The following MYRIP variants were observed in gnomAD, a reference collection of about 807,000 sequenced individuals.
MYRIP encodes the protein myosin VIIA and Rab interacting protein.
Under a neutral mutation model 98.0 loss-of-function variants are expected in MYRIP, and 49 were observed. The observed-to-expected ratio is 0.50, with a 90% CI of 0.40 to 0.63. The LOEUF (loss-of-function observed/expected upper bound fraction) is 0.63. Among genes scored for constraint, MYRIP ranks in the 30% least tolerant of loss-of-function variants. The probability of loss-of-function intolerance (pLI) is 0.00; values close to 1 mark genes in which losing one functional copy is unlikely to be tolerated. For missense variants in MYRIP, 1,004 were observed against 1,058.2 expected (o/e 0.95, Z 0.71); for synonymous variants, 404 against 409.5 (o/e 0.99, Z 0.16).
intron 3 of MYRIP, among the ~76,000 whole-genome samples, chr3:40,148,752 C>G (rs1299935586): frequency 6.6e-6 from 1 of 151,724 alleles, no homozygotes; most frequent in Non-Finnish European, 1.5e-5. Flanking sequence ...TTTTTTCTTT[C>G]TTCTTATGCC....
intron 2 of MYRIP, among the ~76,000 whole-genome samples, chr3:39,905,407 C>T (rs545750493): frequency 6.6e-6 from 1 of 152,266 alleles, no homozygotes; most frequent in East Asian, 1.9e-4. Context: ...AGCTCACTTA[C>T]TTATATTACC....
chr3:40,093,506 G>T (rs983686574), intron 3 of MYRIP, among the ~76,000 whole-genome samples: 1 of 152,130 alleles, frequency 6.6e-6, no homozygotes, highest in African/African-American at 2.4e-5. Context: ...CATACATTCA[G>T]TTCCAACTAT....
At chr3:40,209,739 G>A in intron 10 of MYRIP, 115 bp from the exon 11 acceptor site, 1 of 1,392,384 alleles carries the variant, frequency 7.2e-7, no homozygotes, top group Non-Finnish European at 9.8e-7. Flanking sequence ...TAAGAAAGCT[G>A]TTACTTTCCT....
chr3:40,099,591 C>G (rs1014893448), intron 3 of MYRIP, among the ~76,000 whole-genome samples: 1 of 152,212 alleles, frequency 6.6e-6, no homozygotes, highest in African/African-American at 2.4e-5. Flanking sequence ...TATACACACA[C>G]TCTCGTGCTT....
intron 2 of MYRIP, among the ~76,000 whole-genome samples, chr3:39,974,015 T>G (rs1945673611): frequency 6.6e-6 from 1 of 151,684 alleles, no homozygotes; most frequent in Admixed American, 6.6e-5. Context: ...GCAAACACAT[T>G]CAAAGCTAGC....
chr3:40,091,278 C>G (rs1340326490), intron 3 of MYRIP, among the ~76,000 whole-genome samples: 1 of 137,314 alleles, frequency 7.3e-6, no homozygotes, highest in Non-Finnish European at 1.6e-5. Flanking sequence ...GGTTTCCTGG[C>G]CAGATGCTTC....
chr3:40,093,763 A>G (rs1379111185), intron 3 of MYRIP, among the ~76,000 whole-genome samples: 2 of 152,172 alleles, frequency 1.3e-5, no homozygotes, highest in Admixed American at 1.3e-4. Context: ...GACTAGCTAC[A>G]CCACCATTGC....
chr3:39,855,434 G>A (rs992876028), intron 1 of MYRIP, among the ~76,000 whole-genome samples: 2 of 152,140 alleles, frequency 1.3e-5, no homozygotes, highest in Non-Finnish European at 2.9e-5. Flanking sequence ...ACCAGAGCAG[G>A]TAGGGAAATA....
intron 2 of MYRIP, among the ~76,000 whole-genome samples, chr3:39,978,825 T>G (rs906226373): frequency 6.6e-6 from 1 of 151,776 alleles, no homozygotes; most frequent in African/African-American, 2.4e-5. Context: ...GGACTTTGTT[T>G]TTTTTTTTTT....
At chr3:40,135,712 C>G (rs1027737522) in intron 3 of MYRIP, among the ~76,000 whole-genome samples, 4 of 152,212 alleles carry the variant, frequency 2.6e-5, no homozygotes, top group African/African-American at 7.2e-5. Flanking sequence ...AGCCAGAAGA[C>G]AGTGGAGACC....
intron 1 of MYRIP, among the ~76,000 whole-genome samples, chr3:39,889,199 A>G (rs1172214278): frequency 6.6e-6 from 1 of 152,242 alleles, no homozygotes; most frequent in East Asian, 1.9e-4. Context: ...AAAGGAGTAT[A>G]AATAATGCTG....
intron 2 of MYRIP, among the ~76,000 whole-genome samples, chr3:39,996,057 G>T (rs1184600788): frequency 3.3e-5 from 5 of 152,082 alleles, no homozygotes; most frequent in African/African-American, 1.2e-4. Flanking sequence ...AAGAACAACC[G>T]GTACCAGCCA....
At chr3:40,124,093 GTGAA>G (rs1391579874) in intron 3 of MYRIP, among the ~76,000 whole-genome samples, 1 of 152,192 alleles carries the variant, frequency 6.6e-6, no homozygotes, top group African/African-American at 2.4e-5. Context: ...CCATATTCTA[GTGAA>G]TGAACAACTC....
chr3:39,986,443 C>T lies in MYRIP; in HGVS notation c.111-57607C>T, dbSNP rs568677277. On this transcript the variant is annotated intron_variant, in intron 2 of 16. Transcript: ENST00000302541. ...CACTCCCTCTCTGTCTCTTTCTCTC[C>T]CTCTCTCTCTCCCTCTCTCTCTCTC... is the stretch of plus-strand genomic sequence containing the variant. 2.3e-3 allele frequency among the ~76,000 whole-genome samples: 325 copies of T among 144,320 alleles called. 3 individuals are homozygous for T. The highest frequency in any genetic ancestry group is 8.9e-3 in the African/African-American group (312 of 35,036). 94.7% of individuals were successfully genotyped at this position (144,320 alleles called of 152,430 possible). A position where few individuals can be genotyped will look rare whatever the true frequency, so the allele number is the denominator to read the frequency against.
chr3:40,140,133 C>T (rs1242039988), intron 3 of MYRIP, among the ~76,000 whole-genome samples: 1 of 152,168 alleles, frequency 6.6e-6, no homozygotes. Context: ...GCCTCATGTA[C>T]AAGTCTTTGT....
intron 2 of MYRIP, among the ~76,000 whole-genome samples, chr3:39,952,042 C>G (rs1438838970): frequency 6.6e-6 from 1 of 152,096 alleles, no homozygotes; most frequent in East Asian, 1.9e-4. Flanking sequence ...CCCTTTGGAC[C>G]ATTTGCATTC....
chr3:40,118,345 T>C lies in MYRIP; in HGVS notation c.333-32703T>C, dbSNP rs377213385. ...TCTTTCAACCTTGCTATTTCATCTG[T>C]AGGAATTTATTTTGCAGATATATTT... is the stretch of plus-strand genomic sequence containing the variant. On this transcript the variant is annotated intron_variant, in intron 3 of 16. Transcript: ENST00000302541. Among the ~76,000 whole-genome samples the C allele has an allele frequency of 1.1e-4, 16 of 152,340 alleles. No individual in the cohort carries two copies. The East Asian group carries it at 2.5e-3, about 24-fold the overall frequency.
intron 3 of MYRIP, among the ~76,000 whole-genome samples, chr3:40,146,278 G>A (rs1950009044): frequency 6.6e-6 from 1 of 152,168 alleles, no homozygotes; most frequent in Non-Finnish European, 1.5e-5. Context: ...TTTGCACAAA[G>A]GCCTGAATGA....
chr3:39,888,865 G>A (rs561720897), intron 1 of MYRIP, among the ~76,000 whole-genome samples: 3,396 of 152,094 alleles, frequency 0.022, 116 homozygotes, highest in African/African-American at 0.076. Flanking sequence ...AAAAGTGGGC[G>A]AAGGATATGA....
Sources: gnomAD v4.1 joint callset for allele counts (sites outside exome capture counted in the v4.1 genomes callset) on GRCh38, gnomAD v4.1.1 for gene constraint, MANE v1.5 for transcripts, NCBI Gene and HGNC (gene_info 2026-07-23, HGNC 2026-07-21) for gene names.